The following KIF16B variants were observed in gnomAD, a reference collection of about 807,000 sequenced individuals.
KIF16B encodes the protein kinesin family member 16B, also known as kinesin-like protein KIF16B.
In KIF16B, 98 loss-of-function variants were observed where a neutral mutation model predicts 156.3. The ratio of observed to expected loss-of-function variants is 0.63; its 90% CI spans 0.53 to 0.74. The LOEUF (loss-of-function observed/expected upper bound fraction) is 0.74, where lower values mean the gene tolerates loss of function less well. KIF16B is among the 30% of genes least tolerant of loss of function. The probability of loss-of-function intolerance (pLI) is 0.00; values close to 1 mark genes in which losing one functional copy is unlikely to be tolerated. For synonymous variants in KIF16B, 564 were observed against 583.7 expected (o/e 0.97, Z 0.49); for missense variants, 1,421 against 1,606.5 (o/e 0.88, Z 1.97).
intron 24 of KIF16B, 62 bp from the exon 25 acceptor site, chr20:16,312,480 T>C (rs887289015): frequency 1.7e-6 from 2 of 1,200,982 alleles, no homozygotes; most frequent in African/African-American, 3.0e-5. Context: ...TGGGCTATTA[T>C]TAATCTATTA....
At position 16,368,520 on chromosome 20, in the gene KIF16B, G is replaced by C. The variant is rs114095489; in HGVS notation, c.3498+2066C>G. 1,903 of 986,088 alleles carry C rather than the reference G, an allele frequency of 1.9e-3. 37 individuals are homozygous for C. In the African/African-American group the frequency reaches 0.031, roughly 16 times the overall value. The allele number at this position is 986,088 out of a possible 1,614,324, so 61.1% of individuals were successfully genotyped here. A position where few individuals can be genotyped will look rare whatever the true frequency, so the allele number is the denominator to read the frequency against. On this transcript the variant is annotated intron_variant, in intron 22 of 25. Coordinates refer to ENST00000354981, the MANE Select transcript of KIF16B (RefSeq NM_024704.5). Reference sequence around the variant, plus strand: ...ACAGATTCCCCACAAGCCTGGCTTGGCTGATCACCTTTGTGCCAGCCTGAA... The same window carrying C: ...ACAGATTCCCCACAAGCCTGGCTTGCCTGATCACCTTTGTGCCAGCCTGAA...
intron 11 of KIF16B, among the ~76,000 whole-genome samples, chr20:16,495,619 T>C (rs1302686016): frequency 1.3e-5 from 2 of 152,336 alleles, no homozygotes; most frequent in East Asian, 1.9e-4. Context: ...ACCTTCTTGA[T>C]GAAAAACAAA....
chr20:16,359,024 C>A (rs6043912), intron 22 of KIF16B, among the ~76,000 whole-genome samples: 1 of 152,146 alleles, frequency 6.6e-6, no homozygotes, highest in Admixed American at 6.5e-5. Context: ...ATGTTTGGAA[C>A]AAACTTTTGA....
At chr20:16,569,970 CTGTGTGTG>C (rs10602666) in intron 1 of KIF16B, among the ~76,000 whole-genome samples, 2 of 149,638 alleles carry the variant, frequency 1.3e-5, no homozygotes, top group East Asian at 2.0e-4. Context: ...ATAGATGAAT[CTGTGTGTG>C]TGTGTGTGTG....
chr20:16,478,816 T>C (rs982569499), intron 12 of KIF16B, among the ~76,000 whole-genome samples: 1 of 152,228 alleles, frequency 6.6e-6, no homozygotes, highest in African/African-American at 2.4e-5. Flanking sequence ...CATTATCATA[T>C]GTTTATGCAT....
intron 15 of KIF16B, among the ~76,000 whole-genome samples, chr20:16,419,377 A>C (rs2066169874): frequency 6.6e-6 from 1 of 152,116 alleles, no homozygotes; most frequent in Non-Finnish European, 1.5e-5. Context: ...TGGCTAAACC[A>C]CTGGGAGATC....
chr20:16,440,453 A>C (rs1441910893), intron 12 of KIF16B, among the ~76,000 whole-genome samples: 1 of 152,108 alleles, frequency 6.6e-6, no homozygotes, highest in African/African-American at 2.4e-5. Context: ...AAATGAACTA[A>C]AAATATAAAA....
intron 15 of KIF16B, among the ~76,000 whole-genome samples, chr20:16,415,201 A>G (rs1273361294): frequency 1.3e-5 from 2 of 152,168 alleles, no homozygotes; most frequent in Non-Finnish European, 2.9e-5. Flanking sequence ...TAAATTCCAA[A>G]GTACTGAAGG....
At chr20:16,393,896 A>C (rs1382830121) in intron 17 of KIF16B, among the ~76,000 whole-genome samples, 1 of 152,226 alleles carries the variant, frequency 6.6e-6, no homozygotes, top group South Asian at 2.1e-4. Flanking sequence ...TTCTAGAAGG[A>C]GAGAATAGCA....
chr20:16,544,316 A>C (rs551773352), intron 1 of KIF16B, among the ~76,000 whole-genome samples: 121 of 152,178 alleles, frequency 8.0e-4, no homozygotes, highest in Non-Finnish European at 1.4e-3. Flanking sequence ...AAGCCCATAA[A>C]AATGCTTCCT....
intron 12 of KIF16B, among the ~76,000 whole-genome samples, chr20:16,481,243 C>G (rs2067975823): frequency 1.3e-5 from 2 of 151,604 alleles, no homozygotes; most frequent in Non-Finnish European, 2.9e-5. Context: ...GTCGCCCTGG[C>G]TGGAGTACAG....
At chr20:16,535,873 G>T (rs1396744842) in intron 1 of KIF16B, among the ~76,000 whole-genome samples, 2 of 152,172 alleles carry the variant, frequency 1.3e-5, no homozygotes. Context: ...TAAGAAAAGA[G>T]AACTCTTATA....
chr20:16,413,863 G>T (rs917683261), intron 15 of KIF16B, among the ~76,000 whole-genome samples: 9 of 151,730 alleles, frequency 5.9e-5, no homozygotes, highest in African/African-American at 2.2e-4. Flanking sequence ...ACAATTTTCT[G>T]AAATGGTATT....
intron 1 of KIF16B, among the ~76,000 whole-genome samples, chr20:16,556,335 A>G (rs1309372623): frequency 6.6e-6 from 1 of 152,176 alleles, no homozygotes; most frequent in South Asian, 2.1e-4. Context: ...CCATGAACCA[A>G]CTGGTCACTA....
chr20:16,356,624 C>T (rs1272034200), intron 22 of KIF16B, among the ~76,000 whole-genome samples, 172 bp from the exon 23 acceptor site: 1 of 152,128 alleles, frequency 6.6e-6, no homozygotes, highest in African/African-American at 2.4e-5. Flanking sequence ...AAAGCTAAGC[C>T]TCTCTCATAA....
At position 16,374,345 on chromosome 20, in the gene KIF16B, GA is replaced by G; in HGVS notation, c.3261del (p.His1088IlefsTer49). ...ACCTTCCCTTCCAGGGTCCCATGATGATCTTTTTGAACACCATCGACCTCAT... is the reference window on the plus strand; with the variant it reads ...ACCTTCCCTTCCAGGGTCCCATGATGTCTTTTTGAACACCATCGACCTCAT... Reference protein sequence around the residue: ...KIYEVDGVQKDHHGTLEGKVA... With the variant: ...KIYEVDGVQKXHHGTLEGKVA... On this transcript the variant is annotated frameshift_variant, in exon 20 of 26. Transcript: ENST00000354981. LOFTEE classifies it high-confidence loss of function. 6.2e-7 allele frequency: 1 copy of G among 1,606,580 alleles called. No homozygotes were observed. The highest frequency in any genetic ancestry group is 8.5e-7 in the Non-Finnish European group (1 of 1,175,416).
At chr20:16,407,766 G>T (rs2065823381) in intron 15 of KIF16B, among the ~76,000 whole-genome samples, 3 of 152,118 alleles carry the variant, frequency 2.0e-5, no homozygotes, top group Admixed American at 1.3e-4. Flanking sequence ...TCACAAACTG[G>T]TGGCCAGAGG....
chr20:16,561,713 T>C (rs756300407), intron 1 of KIF16B, among the ~76,000 whole-genome samples: 2 of 152,180 alleles, frequency 1.3e-5, no homozygotes, highest in Non-Finnish European at 2.9e-5. Context: ...TGACATCACA[T>C]ACCCCAGTAA....
intron 22 of KIF16B, among the ~76,000 whole-genome samples, chr20:16,363,643 C>T (rs2064596504): frequency 6.6e-6 from 1 of 152,096 alleles, no homozygotes; most frequent in South Asian, 2.1e-4. Flanking sequence ...CAAAGGCTTG[C>T]AGGACTGCCC....
Sources: allele counts gnomAD v4.1 joint callset (sites outside exome capture counted in the v4.1 genomes callset), GRCh38; gene constraint gnomAD v4.1.1; transcripts MANE v1.5; gene names NCBI Gene and HGNC (gene_info 2026-07-23, HGNC 2026-07-21).